The following RIMS1 variants were observed in gnomAD, a reference collection of about 807,000 sequenced individuals.
The protein encoded by RIMS1 is regulating synaptic membrane exocytosis 1, also known as regulating synaptic membrane exocytosis protein 1.
RIMS1 carries 83 observed loss-of-function variants against 214.1 expected under a neutral mutation model. The observed-to-expected ratio is 0.39, with a 90% CI of 0.32 to 0.47. The LOEUF (loss-of-function observed/expected upper bound fraction) is 0.47, where lower values mean the gene tolerates loss of function less well. Among genes scored for constraint, RIMS1 ranks in the 20% least tolerant of loss-of-function variants. The pLI is 0.99. For synonymous variants in RIMS1, 793 were observed against 786.8 expected, an observed-to-expected ratio of 1.01 and a Z score of -0.13; for missense variants, 2,050 against 2,161.8, an observed-to-expected ratio of 0.95 and a Z score of 1.03.
At chr6:72,045,324 C>T (rs1822676142) in intron 2 of RIMS1, among the ~76,000 whole-genome samples, 1 of 151,600 alleles carries the variant, frequency 6.6e-6, no homozygotes, top group South Asian at 2.1e-4. Context: ...ATTTTATTCA[C>T]CTGACATAAA....
intron 24 of RIMS1, among the ~76,000 whole-genome samples, chr6:72,288,137 G>A (rs2092711855): frequency 1.3e-5 from 2 of 152,114 alleles, no homozygotes; most frequent in Admixed American, 1.3e-4. Flanking sequence ...AGCAAGCATT[G>A]GAGCTGGACA....
At chr6:72,166,615 C>A (rs1298812858) in intron 4 of RIMS1, among the ~76,000 whole-genome samples, 15 of 151,946 alleles carry the variant, frequency 9.9e-5, no homozygotes. Context: ...GTGGCTCACA[C>A]CTGTAATCCC....
intron 1 of RIMS1, among the ~76,000 whole-genome samples, chr6:71,926,758 G>A (rs754849079): frequency 2.0e-5 from 3 of 152,074 alleles, no homozygotes; most frequent in Admixed American, 6.5e-5. Flanking sequence ...AGTAACTTTT[G>A]TATTAGTCAT....
intron 6 of RIMS1, among the ~76,000 whole-genome samples, chr6:72,189,547 C>A (rs1413736032): frequency 6.6e-6 from 1 of 152,226 alleles, no homozygotes; most frequent in Non-Finnish European, 1.5e-5. Context: ...CAAACCACTG[C>A]CCTTTCCATG....
chr6:72,136,418 A>T (rs1335475706), intron 4 of RIMS1, among the ~76,000 whole-genome samples: 1 of 152,170 alleles, frequency 6.6e-6, no homozygotes, highest in East Asian at 1.9e-4. Flanking sequence ...TCAAGAAAAA[A>T]AAATGAAAAG....
At chr6:72,189,564 G>A (rs1462818851) in intron 6 of RIMS1, among the ~76,000 whole-genome samples, 1 of 152,232 alleles carries the variant, frequency 6.6e-6, no homozygotes, top group East Asian at 1.9e-4. Context: ...CATGATGGAA[G>A]AGGTCGAGTG....
At chr6:71,954,868 ACTC>A (rs1035165208) in intron 1 of RIMS1, among the ~76,000 whole-genome samples, 28 of 128,362 alleles carry the variant, frequency 2.2e-4, no homozygotes, top group East Asian at 2.1e-3. Context: ...ACACACACAC[ACTC>A]CACACACACA....
At position 72,182,395 on chromosome 6, in the gene RIMS1, G is replaced by C. The variant is rs571137744; in HGVS notation, c.924G>C (p.Arg308=). The change falls in exon 6 of 34, where the codon CGG becomes CGC. Residue 308 remains arginine (R), a synonymous_variant. Transcript: ENST00000521978. ...CCGTGGAGGGGGCCGTCGAAGAACGGGAGCGCAAAGAAAGGCGGGAAAGCC... is the reference window on the plus strand; with the variant it reads ...CCGTGGAGGGGGCCGTCGAAGAACGCGAGCGCAAAGAAAGGCGGGAAAGCC... ...AQPVEGAVEE[R]ERKERRESRR... 4.3e-6 allele frequency: 7 copies of C among 1,613,934 alleles called. No individual in the cohort carries two copies. In the South Asian group the frequency reaches 6.6e-5, roughly 15 times the overall value.
At chr6:71,924,761 C>G (rs1781088699) in intron 1 of RIMS1, among the ~76,000 whole-genome samples, 2 of 135,138 alleles carry the variant, frequency 1.5e-5, no homozygotes, top group African/African-American at 2.8e-5. Flanking sequence ...GAGCCGAGAT[C>G]GTGCCACCAC....
intron 20 of RIMS1, 134 bp downstream of exon 20, chr6:72,265,186 ATAAT>A: frequency 7.8e-6 from 5 of 637,600 alleles, no homozygotes; most frequent in Non-Finnish European, 1.3e-5. Context: ...TTCTTTTGAA[ATAAT>A]TATACAGTGA....
At chr6:72,043,844 T>A (rs1189597803) in intron 2 of RIMS1, among the ~76,000 whole-genome samples, 1 of 151,642 alleles carries the variant, frequency 6.6e-6, no homozygotes, top group Non-Finnish European at 1.5e-5. Flanking sequence ...AATTTATATA[T>A]ACATTAATGA....
intron 1 of RIMS1, among the ~76,000 whole-genome samples, chr6:71,925,552 C>T (rs1245252314): frequency 6.6e-6 from 1 of 152,140 alleles, no homozygotes; most frequent in Non-Finnish European, 1.5e-5. Context: ...TGGTGTTCTA[C>T]TAAGTTGGAA....
intron 2 of RIMS1, among the ~76,000 whole-genome samples, chr6:71,997,984 A>G (rs1464868940): frequency 6.6e-6 from 1 of 152,100 alleles, no homozygotes; most frequent in Non-Finnish European, 1.5e-5. Context: ...GCATGAACAA[A>G]TGCTGGACAT....
chr6:71,890,051 A>G (rs942446844), intron 1 of RIMS1, among the ~76,000 whole-genome samples: 3 of 152,222 alleles, frequency 2.0e-5, no homozygotes, highest in South Asian at 4.1e-4. Flanking sequence ...ATAGAAAATG[A>G]TGGATGAATA....
intron 29 of RIMS1, among the ~76,000 whole-genome samples, chr6:72,338,365 G>T (rs113705199): frequency 6.6e-6 from 1 of 151,594 alleles, no homozygotes; most frequent in Non-Finnish European, 1.5e-5. Flanking sequence ...TTTTTCATGT[G>T]TCTTAAGAAA....
intron 22 of RIMS1, among the ~76,000 whole-genome samples, chr6:72,271,577 C>T (rs1466337644): frequency 1.3e-4 from 19 of 151,832 alleles, no homozygotes; most frequent in Admixed American, 1.2e-3. Flanking sequence ...CATTGAAAGA[C>T]GTGTGTATAT....
chr6:72,185,895 A>C (rs1392485310), intron 6 of RIMS1, among the ~76,000 whole-genome samples: 1 of 152,164 alleles, frequency 6.6e-6, no homozygotes, highest in Non-Finnish European at 1.5e-5. Context: ...CCTCAATGTG[A>C]AGACGACGAG....
chr6:72,390,733 G>A lies in RIMS1; in HGVS notation c.4502G>A (p.Gly1501Asp). 3 of 1,613,566 alleles carry A rather than the reference G, an allele frequency of 1.9e-6. No homozygotes were observed. Among genetic ancestry groups the A allele is most frequent in the Non-Finnish European group, 2.5e-6 (3 of 1,179,626 alleles). Residue 1501 changes from glycine (G) to aspartate (D), a missense_variant, in exon 30 of 34, where the codon GGC (glycine) becomes GAC (aspartate). This residue lies in a region of RIMS1 where 121 missense variants were observed against 187.3 expected (regional missense o/e 0.65). Transcript: ENST00000521978. ...DGSINSYSSE[G>D]NLIFPGVRLG... ...AGCATCAACAGTTACAGCTCTGAGG[G>A]CAAGTAAGTGCTGTCAGCACGTCTG...
chr6:72,381,583 A>T (rs2098488940), intron 29 of RIMS1, among the ~76,000 whole-genome samples: 1 of 152,240 alleles, frequency 6.6e-6, no homozygotes, highest in South Asian at 2.1e-4. Flanking sequence ...GGGCAGCCTT[A>T]TTAAGTTTAA....
Sources: allele counts gnomAD v4.1 joint callset (sites outside exome capture counted in the v4.1 genomes callset), GRCh38; gene constraint gnomAD v4.1.1; regional missense constraint gnomAD v4.1.1; transcripts MANE v1.5; gene names NCBI Gene and HGNC (gene_info 2026-07-23, HGNC 2026-07-21).